The following CFAP298 variants were observed in gnomAD, a reference collection of about 807,000 sequenced individuals.
CFAP298 encodes the protein cilia- and flagella-associated protein 298.
A neutral mutation model predicts 41.0 loss-of-function variants in CFAP298; 38 were observed. The ratio of observed to expected loss-of-function variants is 0.93; its 90% CI spans 0.72 to 1.22. The LOEUF (loss-of-function observed/expected upper bound fraction) is 1.22. Ranked by LOEUF, CFAP298 falls within the 50% of genes most tolerant of loss-of-function variation. The pLI is 0.00. For missense variants in CFAP298, 348 were observed against 360.3 expected (o/e 0.97, Z 0.28); for synonymous variants, 137 against 135.3 (o/e 1.01, Z -0.09).
chr21:32,612,321 C>A lies in CFAP298; in HGVS notation c.-78G>T. 1 of 1,467,752 alleles carries A rather than the reference C, an allele frequency of 6.8e-7. No homozygotes were observed. 90.9% of individuals were successfully genotyped at this position (1,467,752 alleles called of 1,614,324 possible). Reference sequence around the variant, plus strand: ...GCGGGTCCTGCCGGCCGAGGGTCGCCGGATCGCCAGCAGCTGCGACGCACT... The same window carrying A: ...GCGGGTCCTGCCGGCCGAGGGTCGCAGGATCGCCAGCAGCTGCGACGCACT... On this transcript the variant is annotated 5_prime_UTR_variant, in exon 1 of 7. Transcript: ENST00000290155.
chr21:32,607,554 T>C (rs112029514), intron 3 of CFAP298, 95 bp downstream of exon 3: 2 of 713,942 alleles, frequency 2.8e-6, no homozygotes, highest in Non-Finnish European at 4.8e-6. Context: ...GATCGCACCA[T>C]TGCACTCCAG....
intron 3 of CFAP298, among the ~76,000 whole-genome samples, chr21:32,605,037 G>A (rs1659102954): frequency 6.6e-6 from 1 of 152,326 alleles, no homozygotes; most frequent in African/African-American, 2.4e-5. Flanking sequence ...AAATTAGCTG[G>A]GCGTGGTGGC....
chr21:32,601,023 C>T lies in CFAP298; in HGVS notation c.*840G>A, dbSNP rs537897169. Among the ~76,000 whole-genome samples the T allele has an allele frequency of 9.9e-5, 15 of 151,022 alleles. No individual in the cohort carries two copies. The highest frequency in any genetic ancestry group is 9.7e-4 in the East Asian group (5 of 5,160). On this transcript the variant is annotated 3_prime_UTR_variant, in exon 7 of 7. Transcript: ENST00000290155. Reference sequence around the variant, plus strand: ...GCAACGCCTGGCTACAGTTAGACCCCGCAGCAGGGTTAAAGAAGGCTACAG... The same window carrying T: ...GCAACGCCTGGCTACAGTTAGACCCTGCAGCAGGGTTAAAGAAGGCTACAG...
chr21:32,612,246 C>A lies in CFAP298; in HGVS notation c.-3G>T. The A allele has an allele frequency of 1.9e-6, 3 of 1,606,434 alleles. No individual in the cohort carries two copies. The East Asian group carries it at 6.7e-5, about 36-fold the overall frequency. ...CGCTTCACGTGCAGCAGAACCATGG[C>A]GGTCCCGCCGAGGTACTGAGGCGTT... On this transcript the variant is annotated 5_prime_UTR_variant, in exon 1 of 7. Coordinates refer to ENST00000290155, the MANE Select transcript of CFAP298 (RefSeq NM_021254.4).
Position 32,602,853 on chromosome 21 carries a change from A to T in CFAP298, c.666+308T>A, listed in dbSNP as rs113723965. ...AGTTTGAAAAAGCCTGAAATCAGTGACGGGCGAAATTTTACATTTCAAGGA... is the reference window on the plus strand; with the variant it reads ...AGTTTGAAAAAGCCTGAAATCAGTGTCGGGCGAAATTTTACATTTCAAGGA... On this transcript the variant is annotated intron_variant, in intron 5 of 6. Coordinates refer to ENST00000290155, the MANE Select transcript of CFAP298 (RefSeq NM_021254.4). 634 of 1,415,002 alleles carry T rather than the reference A, an allele frequency of 4.5e-4. 5 individuals are homozygous for T. In the African/African-American group the frequency reaches 7.7e-3, roughly 17 times the overall value. The allele number at this position is 1,415,002 out of a possible 1,614,324, so 87.7% of individuals were successfully genotyped here.
rs267606106 is a variant in CFAP298, at chr21:32,601,972, C to T, written c.764G>A (p.Arg255Lys). The T allele has an allele frequency of 6.4e-7, 1 of 1,561,950 alleles. No homozygotes were observed. The highest frequency in any genetic ancestry group is 1.1e-5 in the South Asian group (1 of 90,020). The change falls in exon 7 of 7, where the codon AGA becomes AAA. Residue 255 changes from arginine (R) to lysine (K), a missense_variant and splice_region_variant. Physicochemically the swap from Arg to Lys is conservative, Grantham distance 26 (BLOSUM62 2). Transcript: ENST00000290155. The part of the protein sequence containing the change: ...YYHRRQEELK[R>K]LEENDDDAYL... ...GGCATCATCATCATTTTCTTCCAAT[C>T]TCTGGAAATAAGTATGTTTTATTCA...
intron 1 of CFAP298, 94 bp downstream of exon 1, chr21:32,612,011 C>G (rs571803194): frequency 3.0e-4 from 414 of 1,379,406 alleles, no homozygotes; most frequent in Admixed American, 7.2e-4. Context: ...CAATAATCTT[C>G]ACAAACCTGA....
intron 2 of CFAP298, 149 bp from the exon 3 acceptor site, chr21:32,607,865 G>T: frequency 1.8e-6 from 1 of 570,988 alleles, no homozygotes; most frequent in East Asian, 3.0e-5. Context: ...CAAGAAACCT[G>T]GCTGCCGGAA....
rs1486952006 is a variant in CFAP298 at position 32,599,637 on chromosome 21, C to T, written c.*2226G>A. Among the ~76,000 whole-genome samples, 6 of 152,210 alleles carry T rather than the reference C, an allele frequency of 3.9e-5. No homozygotes were observed. The highest frequency in any genetic ancestry group is 7.2e-5 in the African/African-American group (3 of 41,442). On this transcript the variant is annotated 3_prime_UTR_variant, in exon 7 of 7. Transcript: ENST00000290155. ...GGGAAATCCTGGGAAAGTTCCTGGA[C>T]GTGACCCTGTGGTCCTACCACCACT...
At chr21:32,607,766 C>T in intron 2 of CFAP298, 50 bp from the exon 3 acceptor site, 1 of 1,146,842 alleles carries the variant, frequency 8.7e-7, no homozygotes, top group Non-Finnish European at 1.3e-6. Flanking sequence ...AATACAAAGC[C>T]TCTTCTGAAA....
intron 2 of CFAP298, among the ~76,000 whole-genome samples, chr21:32,608,935 T>C (rs575764274): frequency 5.9e-5 from 9 of 152,358 alleles, no homozygotes; most frequent in African/African-American, 1.9e-4. Flanking sequence ...AACAGTGTTT[T>C]AGGGCTGTTC....
intron 2 of CFAP298, among the ~76,000 whole-genome samples, chr21:32,608,864 T>C (rs1424517015): frequency 6.6e-6 from 1 of 152,178 alleles, no homozygotes; most frequent in Non-Finnish European, 1.5e-5. Flanking sequence ...ATCCCTGATA[T>C]TTAAAAAAAT....
chr21:32,607,636 TA>T lies in CFAP298; in HGVS notation c.375+12del. The T allele has an allele frequency of 6.6e-7, 1 of 1,518,522 alleles. No individual in the cohort carries two copies. The highest frequency in any genetic ancestry group is 8.9e-7 in the Non-Finnish European group (1 of 1,119,484). The allele number at this position is 1,518,522 out of a possible 1,614,324, so 94.1% of individuals were successfully genotyped here. On this transcript the variant is annotated intron_variant, in intron 3 of 6. Transcript: ENST00000290155. ...ACCCAACAAGTTTTAGTGCATCATT[TA>T]AAAAAGCCAACCTTAGATATTATTG... is the stretch of plus-strand genomic sequence containing the variant.
At chr21:32,606,801 G>T (rs2038875858) in intron 3 of CFAP298, among the ~76,000 whole-genome samples, 1 of 152,192 alleles carries the variant, frequency 6.6e-6, no homozygotes, top group African/African-American at 2.4e-5. Flanking sequence ...ACAAATACAA[G>T]CAACAGATAC....
Position 32,601,391 on chromosome 21 carries a change from G to A in CFAP298, c.*472C>T, listed in dbSNP as rs1024467083. On this transcript the variant is annotated 3_prime_UTR_variant, in exon 7 of 7. Coordinates refer to ENST00000290155, the MANE Select transcript of CFAP298 (RefSeq NM_021254.4). Reference sequence around the variant, plus strand: ...TGGCTCACTGTAAGCTCCACCTCCCGGGTTCACGCCATTCTCCTGCCTCAG... The same window carrying A: ...TGGCTCACTGTAAGCTCCACCTCCCAGGTTCACGCCATTCTCCTGCCTCAG... Among the ~76,000 whole-genome samples, 1 of 142,484 alleles carries A rather than the reference G, an allele frequency of 7.0e-6. No individual in the cohort carries two copies. Among genetic ancestry groups the A allele is most frequent in the Non-Finnish European group, 1.5e-5 (1 of 66,760 alleles). The allele number at this position is 142,484 out of a possible 152,430, so 93.5% of individuals were successfully genotyped here. A position where few individuals can be genotyped will look rare whatever the true frequency, so the allele number is the denominator to read the frequency against.
intron 5 of CFAP298, 155 bp from the exon 6 acceptor site, chr21:32,602,522 C>A: frequency 2.1e-6 from 3 of 1,438,988 alleles, no homozygotes; most frequent in Middle Eastern, 2.1e-4. Context: ...TCAAGGGAAG[C>A]CTTGGTCTTG....
intron 2 of CFAP298, among the ~76,000 whole-genome samples, chr21:32,608,425 GAT>G: frequency 6.6e-6 from 1 of 152,216 alleles, no homozygotes; most frequent in East Asian, 1.9e-4. Context: ...GGAAGGCCAA[GAT>G]GGGTGGATCA....
Position 32,603,200 on chromosome 21 carries a change from C to A in CFAP298, c.627G>T (p.Gly209=). 1 of 1,614,166 alleles carries A rather than the reference C, an allele frequency of 6.2e-7. No individual in the cohort carries two copies. Among genetic ancestry groups the A allele is most frequent in the Non-Finnish European group, 8.5e-7 (1 of 1,179,994 alleles). ...RRTKKLSDYV[G]KNEKTKIIAK... ...CGATAATTTTGGTTTTTTCATTCTT[C>A]CCCACGTAGTCTGAAAGCTTCTTCG... Residue 209 remains glycine, a synonymous_variant, in exon 5 of 7, where the codon GGG becomes GGT. Coordinates refer to ENST00000290155, the MANE Select transcript of CFAP298 (RefSeq NM_021254.4).
chr21:32,607,895 C>T (rs1241276221), intron 2 of CFAP298, among the ~76,000 whole-genome samples, 179 bp from the exon 3 acceptor site: 1 of 152,072 alleles, frequency 6.6e-6, no homozygotes, highest in East Asian at 1.9e-4. Flanking sequence ...AGACCTCTTC[C>T]CAACAGCAGA....
Sources: gnomAD v4.1 joint callset for allele counts (sites outside exome capture counted in the v4.1 genomes callset) on GRCh38, gnomAD v4.1.1 for gene constraint, MANE v1.5 for transcripts, NCBI Gene and HGNC (gene_info 2026-07-23, HGNC 2026-07-21) for gene names.